The following NSUN3 variants were observed in gnomAD, a reference collection of about 807,000 sequenced individuals.
NSUN3 encodes the protein tRNA (cytosine(34)-C(5))-methyltransferase, mitochondrial.
In NSUN3, 24 loss-of-function variants were observed where a neutral mutation model predicts 36.8. The ratio of observed to expected loss-of-function variants is 0.65; its 90% CI spans 0.47 to 0.92. The LOEUF is 0.92. Among genes scored for constraint, NSUN3 ranks in the 40% least tolerant of loss-of-function variants. The probability of loss-of-function intolerance (pLI) is 0.00; values close to 1 mark genes in which losing one functional copy is unlikely to be tolerated. For missense variants in NSUN3, 381 were observed against 392.8 expected (o/e 0.97, Z 0.25); for synonymous variants, 146 against 145.2 (o/e 1.01, Z -0.04).
intron 5 of NSUN3, among the ~76,000 whole-genome samples, chr3:94,116,244 C>T (rs2107270460): frequency 6.6e-6 from 1 of 152,200 alleles, no homozygotes; most frequent in African/African-American, 2.4e-5. Context: ...TCTTAAAAGG[C>T]TTTTGAGGCA....
rs1356163561 is a variant in NSUN3, at chr3:94,129,788, C to T, written c.*3298C>T. 1.7e-4 allele frequency among the ~76,000 whole-genome samples: 19 copies of T among 114,330 alleles called. No individual in the cohort carries two copies. The highest frequency in any genetic ancestry group is 1.3e-3 in the Admixed American group (10 of 7,648). The allele number at this position is 114,330 out of a possible 152,430, so 75.0% of individuals were successfully genotyped here. A position where few individuals can be genotyped will look rare whatever the true frequency, so the allele number is the denominator to read the frequency against. On this transcript the variant is annotated 3_prime_UTR_variant, in exon 6 of 6. Coordinates refer to ENST00000314622, the MANE Select transcript of NSUN3 (RefSeq NM_022072.5). ...TTTTTGAGACAGAGTCTTGCTCTGT[C>T]GCCCAGGCTGGATGGCGTGCAGTGG... is the stretch of plus-strand genomic sequence containing the variant.
chr3:94,124,548 T>C lies in NSUN3; in HGVS notation c.744-1663T>C, dbSNP rs79122671. Among the ~76,000 whole-genome samples, 7 of 152,130 alleles carry C rather than the reference T, an allele frequency of 4.6e-5. No homozygotes were observed. In the East Asian group the frequency reaches 1.2e-3, roughly 25 times the overall value. On this transcript the variant is annotated intron_variant, in intron 5 of 5. Transcript: ENST00000314622. ...ATAGCTGTCTTCTCCCTGCGTCTTC[T>C]TTATATGGTCCTCCCCTGTAATTCT... is the stretch of plus-strand genomic sequence containing the variant.
rs187912280 is a variant in NSUN3, at chr3:94,109,735, G to A, written c.743+14581G>A. On this transcript the variant is annotated intron_variant, in intron 5 of 5. Transcript: ENST00000314622. The stretch of plus-strand genomic sequence containing the variant: ...GTCCTGTGATTCCTGGAGGAGCTGT[G>A]GGCACAGTTGCTGCCCTTACCTACA... Among the ~76,000 whole-genome samples the A allele has an allele frequency of 7.2e-5, 11 of 152,304 alleles. No individual in the cohort carries two copies. The East Asian group carries it at 2.1e-3, about 29-fold the overall frequency.
chr3:94,063,516 T>G (rs2077190464), intron 1 of NSUN3: 1 of 239,730 alleles, frequency 4.2e-6, no homozygotes, highest in Admixed American at 5.3e-5. Flanking sequence ...GGAGTGACTT[T>G]TCTCCCTAAA....
intron 2 of NSUN3, chr3:94,077,145 G>A (rs529058263): frequency 4.6e-5 from 34 of 733,994 alleles, no homozygotes; most frequent in Non-Finnish European, 6.3e-5. Flanking sequence ...CTTCCACTGC[G>A]TCATCAAAGG....
intron 3 of NSUN3, among the ~76,000 whole-genome samples, chr3:94,090,388 A>G (rs1236531207): frequency 6.6e-6 from 1 of 152,174 alleles, no homozygotes; most frequent in Non-Finnish European, 1.5e-5. Context: ...GCTGGAAGCT[A>G]TTTTAAAATG....
intron 3 of NSUN3, among the ~76,000 whole-genome samples, chr3:94,091,677 G>C (rs2077315684): frequency 6.6e-6 from 1 of 152,088 alleles, no homozygotes; most frequent in Middle Eastern, 3.2e-3. Flanking sequence ...AAAGTCTTTT[G>C]GGTTACCACT....
intron 5 of NSUN3, among the ~76,000 whole-genome samples, chr3:94,110,840 G>GTGTA (rs1414412077): frequency 6.6e-6 from 1 of 152,030 alleles, no homozygotes. Flanking sequence ...GTGTGTGTGT[G>GTGTA]TGTATATCTG....
intron 5 of NSUN3, among the ~76,000 whole-genome samples, chr3:94,114,112 G>T (rs898517863): frequency 6.6e-6 from 1 of 152,146 alleles, no homozygotes. Context: ...GTGCCTGGAG[G>T]TATATAGTTA....
At chr3:94,089,722 A>G (rs2077306860) in intron 3 of NSUN3, among the ~76,000 whole-genome samples, 1 of 152,214 alleles carries the variant, frequency 6.6e-6, no homozygotes. Context: ...GATTAAGGTT[A>G]AATGGGGCAC....
At chr3:94,099,855 A>G (rs997082519) in intron 5 of NSUN3, among the ~76,000 whole-genome samples, 2 of 151,508 alleles carry the variant, frequency 1.3e-5, no homozygotes, top group Middle Eastern at 3.5e-3. Flanking sequence ...GCTCTATTTT[A>G]TCACTATCTC....
chr3:94,093,151 T>A (rs1348678265), intron 3 of NSUN3, among the ~76,000 whole-genome samples: 1 of 151,628 alleles, frequency 6.6e-6, no homozygotes, highest in African/African-American at 2.4e-5. Context: ...GACCTTGATT[T>A]AAGGACTCTG....
chr3:94,069,022 G>C (rs1213805925), intron 2 of NSUN3, among the ~76,000 whole-genome samples: 1 of 152,208 alleles, frequency 6.6e-6, no homozygotes, highest in Non-Finnish European at 1.5e-5. Flanking sequence ...TAGGTATCTT[G>C]TAGTTGTGGC....
intron 5 of NSUN3, among the ~76,000 whole-genome samples, chr3:94,104,793 T>G (rs571513669): frequency 6.6e-6 from 1 of 152,182 alleles, no homozygotes; most frequent in East Asian, 1.9e-4. Flanking sequence ...GAATAAATAA[T>G]TAGGAAGTTA....
At chr3:94,105,780 C>A (rs1411947851) in intron 5 of NSUN3, among the ~76,000 whole-genome samples, 1 of 151,974 alleles carries the variant, frequency 6.6e-6, no homozygotes, top group Non-Finnish European at 1.5e-5. Flanking sequence ...TTGAATAAAC[C>A]CTTTTAAATC....
chr3:94,102,662 T>C (rs1412235678), intron 5 of NSUN3, among the ~76,000 whole-genome samples: 1 of 152,136 alleles, frequency 6.6e-6, no homozygotes, highest in Non-Finnish European at 1.5e-5. Flanking sequence ...TTGCAGAAAG[T>C]ACACACTTCT....
chr3:94,123,847 C>G (rs180882186), intron 5 of NSUN3, among the ~76,000 whole-genome samples: 1 of 152,226 alleles, frequency 6.6e-6, no homozygotes, highest in African/African-American at 2.4e-5. Context: ...GCAAACTGTT[C>G]TAACTGTCCC....
chr3:94,077,303 G>T (rs2077250479), intron 2 of NSUN3: 1 of 496,132 alleles, frequency 2.0e-6, no homozygotes, highest in Admixed American at 3.3e-5. Flanking sequence ...CATCGTGGTG[G>T]ATAAGCTTAT....
chr3:94,064,408 G>A (rs762401135), intron 1 of NSUN3, 29 bp from the exon 2 acceptor site: 3 of 1,354,686 alleles, frequency 2.2e-6, no homozygotes, highest in Non-Finnish European at 3.2e-6. Context: ...ATATCACTGT[G>A]TGTCAGCAAC....
Sources: allele counts gnomAD v4.1 joint callset (sites outside exome capture counted in the v4.1 genomes callset), GRCh38; gene constraint gnomAD v4.1.1; transcripts MANE v1.5; gene names NCBI Gene and HGNC (gene_info 2026-07-23, HGNC 2026-07-21).